MPPED1: variants seen among roughly 807,000 people sequenced by gnomAD.
The protein encoded by MPPED1 is metallophosphoesterase domain-containing protein 1.
MPPED1 carries 16 observed loss-of-function variants against 36.2 expected under a neutral mutation model. The ratio of observed to expected loss-of-function variants is 0.44; its 90% CI spans 0.30 to 0.67. The LOEUF is 0.67. MPPED1 is among the 30% of genes least tolerant of loss of function. The pLI, the probability that MPPED1 is intolerant of heterozygous loss-of-function variation, is 0.10. For missense variants in MPPED1, 307 were observed against 453.4 expected (o/e 0.68, Z 2.93); for synonymous variants, 199 against 191.3 (o/e 1.04, Z -0.33).
intron 3 of MPPED1, among the ~76,000 whole-genome samples, chr22:43,464,872 C>T (rs1422916819): frequency 6.6e-6 from 1 of 152,224 alleles, no homozygotes; most frequent in Non-Finnish European, 1.5e-5. Context: ...CATGCCTTTT[C>T]CTTCCTTTAT....
intron 3 of MPPED1, among the ~76,000 whole-genome samples, chr22:43,455,166 G>A (rs1240686793): frequency 1.4e-5 from 2 of 141,912 alleles, no homozygotes; most frequent in Non-Finnish European, 3.0e-5. Context: ...CTGGAGTGCA[G>A]TGGCGTGATC....
intron 4 of MPPED1, among the ~76,000 whole-genome samples, chr22:43,490,418 C>T (rs1932046682): frequency 6.6e-6 from 1 of 152,126 alleles, no homozygotes; most frequent in Non-Finnish European, 1.5e-5. Flanking sequence ...TTCCGGCTCC[C>T]CAAGATTTGA....
At chr22:43,422,037 GA>G (rs1179328919) in intron 1 of MPPED1, among the ~76,000 whole-genome samples, 2 of 152,164 alleles carry the variant, frequency 1.3e-5, no homozygotes, top group African/African-American at 4.8e-5. Flanking sequence ...CACAAGGGGG[GA>G]GCCCGACCCT....
At chr22:43,462,675 C>A (rs1044535402) in intron 3 of MPPED1, among the ~76,000 whole-genome samples, 5 of 152,128 alleles carry the variant, frequency 3.3e-5, no homozygotes, top group Non-Finnish European at 7.4e-5. Flanking sequence ...TTTAAACACC[C>A]CTCTGTAGTG....
chr22:43,423,400 A>C (rs1353015552), intron 1 of MPPED1, among the ~76,000 whole-genome samples: 1 of 152,230 alleles, frequency 6.6e-6, no homozygotes, highest in Non-Finnish European at 1.5e-5. Context: ...TAGCACCTGC[A>C]GGGAGAGCCA....
chr22:43,435,291 C>A, intron 3 of MPPED1, 76 bp downstream of exon 3: 2 of 1,469,558 alleles, frequency 1.4e-6, no homozygotes, highest in South Asian at 1.3e-5. Flanking sequence ...AGGCTGCCTG[C>A]CTGCCTTTCC....
In MPPED1 at chr22:43,435,233, C is replaced by A; in HGVS notation, c.406+18C>A. 1 of 1,593,622 alleles carries A rather than the reference C, an allele frequency of 6.3e-7. No homozygotes were observed. Among genetic ancestry groups the A allele is most frequent in the Non-Finnish European group, 8.5e-7 (1 of 1,175,542 alleles). On this transcript the variant is annotated intron_variant, in intron 3 of 6. Transcript: ENST00000443721. ...GTGGCTGGGTAGGTCCCTCCTGCCC[C>A]GGGCGGGCGGCTGTGCTGAGCAGGA...
intron 3 of MPPED1, among the ~76,000 whole-genome samples, chr22:43,456,804 T>C (rs1183364541): frequency 6.6e-6 from 1 of 152,232 alleles, no homozygotes; most frequent in African/African-American, 2.4e-5. Context: ...TGTGTGTGTG[T>C]ATGTGTTTTT....
chr22:43,455,115 C>CTTTTTTTTTTTT (rs71284734), intron 3 of MPPED1, among the ~76,000 whole-genome samples: 30,653 of 118,864 alleles, frequency 0.26, 4,955 homozygotes, highest in East Asian at 0.45. Flanking sequence ...CCTTCATGTC[C>CTTTTTTTTTTTT]TTTTTTTTTT....
chr22:43,486,861 G>A (rs28529109), intron 4 of MPPED1, among the ~76,000 whole-genome samples: 54,640 of 151,940 alleles, frequency 0.36, 11,278 homozygotes, highest in East Asian at 0.63. Flanking sequence ...GTAAGTCTCC[G>A]GTGCAGGTTC....
chr22:43,475,694 GA>G (rs745723708), intron 4 of MPPED1, among the ~76,000 whole-genome samples: 2 of 77,832 alleles, frequency 2.6e-5, no homozygotes, highest in Non-Finnish European at 6.0e-5. Context: ...TGATGGTGAT[GA>G]TGGTGGTGGT....
At chr22:43,416,145 C>T (rs527687500) in intron 1 of MPPED1, among the ~76,000 whole-genome samples, 30 of 152,354 alleles carry the variant, frequency 2.0e-4, no homozygotes, top group African/African-American at 6.5e-4. Flanking sequence ...AAGGTTCTCT[C>T]CCCTAACCCT....
chr22:43,451,856 G>T (rs933567919), intron 3 of MPPED1, among the ~76,000 whole-genome samples: 1 of 152,064 alleles, frequency 6.6e-6, no homozygotes, highest in Admixed American at 6.5e-5. Context: ...CCGAGGCTTC[G>T]GGGCAGTTGT....
At chr22:43,414,768 A>G (rs1415322920) in intron 1 of MPPED1, among the ~76,000 whole-genome samples, 1 of 151,982 alleles carries the variant, frequency 6.6e-6, no homozygotes, top group Non-Finnish European at 1.5e-5. Flanking sequence ...CTTTTCACGA[A>G]TTCCCCCTTT....
chr22:43,449,422 A>ACCCCCCCCCACC (rs135045), intron 3 of MPPED1, among the ~76,000 whole-genome samples: 1 of 127,332 alleles, frequency 7.9e-6, no homozygotes, highest in Non-Finnish European at 1.6e-5. Context: ...GACAGTGCCA[A>ACCCCCCCCCACC]CCCCCCCCGC....
At chr22:43,500,314 A>G (rs1012085601) in intron 5 of MPPED1, among the ~76,000 whole-genome samples, 5 of 13,744 alleles carry the variant, frequency 3.6e-4, no homozygotes, top group South Asian at 2.5e-3. Context: ...ATGGTGATGG[A>G]GGTGGTGATG....
At chr22:43,433,540 G>C (rs1361548241) in intron 2 of MPPED1, among the ~76,000 whole-genome samples, 6 of 151,020 alleles carry the variant, frequency 4.0e-5, no homozygotes, top group Non-Finnish European at 7.4e-5. Flanking sequence ...TTTCCTCCCA[G>C]CGTAGACCAG....
chr22:43,465,583 G>A (rs1158365013), intron 3 of MPPED1, among the ~76,000 whole-genome samples: 1 of 152,202 alleles, frequency 6.6e-6, no homozygotes, highest in Non-Finnish European at 1.5e-5. Flanking sequence ...ATCAACCCGC[G>A]GTTGGTTTGG....
At chr22:43,484,097 C>T (rs1931835700) in intron 4 of MPPED1, among the ~76,000 whole-genome samples, 1 of 152,280 alleles carries the variant, frequency 6.6e-6, no homozygotes, top group Admixed American at 6.5e-5. Flanking sequence ...CCCCGTTCAC[C>T]TGGTGCAGTG....
Sources: allele counts gnomAD v4.1 joint callset (sites outside exome capture counted in the v4.1 genomes callset), GRCh38; gene constraint gnomAD v4.1.1; transcripts MANE v1.5; gene names NCBI Gene and HGNC (gene_info 2026-07-23, HGNC 2026-07-21).